Variants in RFX7 observed in about 807,000 individuals in gnomAD.
The protein encoded by RFX7 is DNA-binding protein RFX7.
Under a neutral mutation model 111.8 loss-of-function variants are expected in RFX7, and 26 were observed. The observed-to-expected ratio is 0.23, with a 90% confidence interval of 0.17 to 0.32. The LOEUF is 0.32. Among genes scored for constraint, RFX7 ranks in the 10% least tolerant of loss-of-function variants. The probability of loss-of-function intolerance (pLI) is 1.00; values close to 1 mark genes in which losing one functional copy is unlikely to be tolerated. For synonymous variants in RFX7, 624 were observed against 624.4 expected, an observed-to-expected ratio of 1.00 and a Z score of 0.01; for missense variants, 1,573 against 1,772.9, an observed-to-expected ratio of 0.89 and a Z score of 2.02.
chr15:56,179,826 T>G (rs1319418921), intron 2 of RFX7, among the ~76,000 whole-genome samples: 2 of 144,652 alleles, frequency 1.4e-5, no homozygotes, highest in African/African-American at 5.2e-5. Context: ...GTAACAGGAA[T>G]CCCTAGACAT....
At chr15:56,218,097 A>C (rs1193018367) in intron 2 of RFX7, among the ~76,000 whole-genome samples, 1 of 149,974 alleles carries the variant, frequency 6.7e-6, no homozygotes, top group Non-Finnish European at 1.5e-5. Context: ...CGATTTGCAC[A>C]GCATTTACAT....
chr15:56,209,498 GA>G (rs1384010017), intron 2 of RFX7, among the ~76,000 whole-genome samples: 1 of 152,046 alleles, frequency 6.6e-6, no homozygotes, highest in East Asian at 1.9e-4. Flanking sequence ...AAGCATCAGA[GA>G]AGGAAAAAGT....
chr15:56,097,980 G>T, intron 9 of RFX7, 101 bp downstream of exon 9: 2 of 992,100 alleles, frequency 2.0e-6, no homozygotes, highest in Non-Finnish European at 3.0e-6. Context: ...AAATCAGTTT[G>T]TGGCTACTCT....
At chr15:56,112,895 G>GA (rs1306149217) in intron 5 of RFX7, among the ~76,000 whole-genome samples, 3 of 152,054 alleles carry the variant, frequency 2.0e-5, no homozygotes, top group Admixed American at 1.3e-4. Flanking sequence ...ACAAAAATAT[G>GA]AAAAAAATCT....
At chr15:56,133,436 A>G (rs2042245250) in intron 5 of RFX7, among the ~76,000 whole-genome samples, 1 of 152,078 alleles carries the variant, frequency 6.6e-6, no homozygotes, top group Non-Finnish European at 1.5e-5. Context: ...AATGAATTAT[A>G]AAAGGGTCCA....
At chr15:56,220,495 G>T (rs1177568449) in intron 2 of RFX7, among the ~76,000 whole-genome samples, 1 of 151,784 alleles carries the variant, frequency 6.6e-6, no homozygotes, top group African/African-American at 2.4e-5. Context: ...GCCTCTCAAA[G>T]TGTTGGGATT....
chr15:56,196,945 T>C (rs2141173515), intron 2 of RFX7, among the ~76,000 whole-genome samples: 1 of 152,282 alleles, frequency 6.6e-6, no homozygotes, highest in African/African-American at 2.4e-5. Context: ...CTACAGTATG[T>C]TGATCTTCAA....
chr15:56,243,454 C>G lies in RFX7; in HGVS notation c.-12G>C. ...TAAGCTAGGCCTTTACCCCAGGGCT[C>G]GAGTGAGTCGCTTTCGCCTGCCGCC... is the stretch of plus-strand genomic sequence containing the variant. On this transcript the variant is annotated 5_prime_UTR_variant, in exon 1 of 10. Coordinates refer to ENST00000559447, the MANE Select transcript of RFX7 (RefSeq NM_022841.7). 21 of 984,534 alleles carry G rather than the reference C, an allele frequency of 2.1e-5. No homozygotes were observed. The highest frequency in any genetic ancestry group is 2.5e-5 in the Non-Finnish European group (21 of 829,544). The allele number at this position is 984,534 out of a possible 1,614,324, so 61.0% of individuals were successfully genotyped here.
At chr15:56,124,189 G>A (rs572125840) in intron 5 of RFX7, among the ~76,000 whole-genome samples, 20 of 152,248 alleles carry the variant, frequency 1.3e-4, no homozygotes, top group East Asian at 1.2e-3. Flanking sequence ...TTGGGAGGCC[G>A]AGGCAGGCGG....
At chr15:56,147,380 G>T (rs930433882) in intron 3 of RFX7, among the ~76,000 whole-genome samples, 19 of 151,998 alleles carry the variant, frequency 1.3e-4, no homozygotes, top group Non-Finnish European at 2.8e-4. Context: ...TCCAAAATAG[G>T]CAAATCCCTA....
At chr15:56,223,236 A>G (rs1442824559) in intron 2 of RFX7, among the ~76,000 whole-genome samples, 2 of 152,186 alleles carry the variant, frequency 1.3e-5, no homozygotes, top group African/African-American at 4.8e-5. Flanking sequence ...TTAAAGATTC[A>G]GAATGATCCC....
intron 2 of RFX7, among the ~76,000 whole-genome samples, chr15:56,184,896 G>A (rs1242846926): frequency 6.6e-6 from 1 of 152,132 alleles, no homozygotes; most frequent in African/African-American, 2.4e-5. Flanking sequence ...TATTCCCAAC[G>A]CAAGGAACAG....
chr15:56,232,067 C>A (rs555757514), intron 2 of RFX7, among the ~76,000 whole-genome samples: 1 of 152,310 alleles, frequency 6.6e-6, no homozygotes, highest in Non-Finnish European at 1.5e-5. Flanking sequence ...CTTTTATGGG[C>A]TGGTGTTGAG....
intron 5 of RFX7, among the ~76,000 whole-genome samples, chr15:56,135,557 C>T (rs1159171731): frequency 7.3e-5 from 11 of 151,486 alleles, no homozygotes; most frequent in African/African-American, 9.7e-5. Flanking sequence ...TTCTCCCATT[C>T]TGTAGGTTGC....
intron 2 of RFX7, among the ~76,000 whole-genome samples, chr15:56,202,170 G>A (rs12595649): frequency 0.13 from 19,800 of 152,124 alleles, 1,675 homozygotes; most frequent in East Asian, 0.44. Context: ...CTATCACTTC[G>A]CGGGAGAAGT....
At chr15:56,186,241 T>C (rs1338061861) in intron 2 of RFX7, among the ~76,000 whole-genome samples, 2 of 152,204 alleles carry the variant, frequency 1.3e-5, no homozygotes. Context: ...TCAGGTTCTA[T>C]GCTTTAGTTC....
At chr15:56,156,706 TA>T (rs1268910458) in intron 3 of RFX7, among the ~76,000 whole-genome samples, 1 of 151,034 alleles carries the variant, frequency 6.6e-6, no homozygotes, top group Non-Finnish European at 1.5e-5. Context: ...TACTACAGTT[TA>T]TTTCTCCAGA....
At position 56,091,406 on chromosome 15, in the gene RFX7, TAA is replaced by T. The variant is rs1309376423; in HGVS notation, c.*1937_*1938del. On this transcript the variant is annotated 3_prime_UTR_variant, in exon 10 of 10. Transcript: ENST00000559447. ...TTTGCTGGACGAATTCAACCAAATT[TAA>T]AGAGTTTGCTGCAATACTGTACAAG... 1.3e-5 allele frequency: 2 copies of T among 152,524 alleles called. No homozygotes were observed. The highest frequency in any genetic ancestry group is 6.6e-5 in the Admixed American group (1 of 15,262). The allele number at this position is 152,524 out of a possible 1,614,324, so 9.4% of individuals were successfully genotyped here. A position where few individuals can be genotyped will look rare whatever the true frequency, so the allele number is the denominator to read the frequency against.
At chr15:56,210,140 GAT>G (rs1483419236) in intron 2 of RFX7, among the ~76,000 whole-genome samples, 2 of 152,010 alleles carry the variant, frequency 1.3e-5, no homozygotes, top group Non-Finnish European at 2.9e-5. Flanking sequence ...GATGGAAAAA[GAT>G]ATGTCATGCT....
Sources: gnomAD v4.1 joint callset for allele counts (sites outside exome capture counted in the v4.1 genomes callset) on GRCh38, gnomAD v4.1.1 for gene constraint, MANE v1.5 for transcripts, NCBI Gene and HGNC (gene_info 2026-07-23, HGNC 2026-07-21) for gene names.